Variants in U2SURP observed in about 807,000 individuals in gnomAD.
U2SURP encodes the protein U2 snRNP associated SURP domain containing.
A neutral mutation model predicts 144.9 loss-of-function variants in U2SURP; 9 were observed. That is an observed-to-expected ratio of 0.06 (90% confidence interval 0.04 to 0.11). The LOEUF (loss-of-function observed/expected upper bound fraction) is 0.11. U2SURP is among the 10% of genes least tolerant of loss of function. The pLI, the probability that U2SURP is intolerant of heterozygous loss-of-function variation, is 1.00. For synonymous variants in U2SURP, 408 were observed against 396.8 expected, an observed-to-expected ratio of 1.03 and a Z score of -0.33; for missense variants, 724 against 1,226.7, an observed-to-expected ratio of 0.59 and a Z score of 6.12.
intron 25 of U2SURP, among the ~76,000 whole-genome samples, chr3:143,053,193 G>T (rs1283550680): frequency 6.6e-6 from 1 of 152,070 alleles, no homozygotes; most frequent in Non-Finnish European, 1.5e-5. Flanking sequence ...TATGGAAAGG[G>T]CAGTACATTG....
In U2SURP at chr3:143,020,595, A is replaced by T; in HGVS notation, c.639-4A>T. On this transcript the variant is annotated splice_region_variant and splice_polypyrimidine_tract_variant and intron_variant, in intron 7 of 27. Coordinates refer to ENST00000473835, the MANE Select transcript of U2SURP (RefSeq NM_001080415.2). ...TTATAAGTGATTGTAAATATTTTCA[A>T]CAGAATTCAAGAGGAACGTGATGAG... 1 of 1,605,890 alleles carries T rather than the reference A, an allele frequency of 6.2e-7. No individual in the cohort carries two copies. Among genetic ancestry groups the T allele is most frequent in the South Asian group, 1.1e-5 (1 of 89,418 alleles).
intron 13 of U2SURP, among the ~76,000 whole-genome samples, chr3:143,024,296 AG>A (rs1405848741): frequency 6.6e-6 from 1 of 152,200 alleles, no homozygotes; most frequent in Non-Finnish European, 1.5e-5. Context: ...GTCAGACAAT[AG>A]ACTATTGTCA....
At chr3:143,008,198 A>G (rs1256979430) in intron 1 of U2SURP, among the ~76,000 whole-genome samples, 1 of 152,226 alleles carries the variant, frequency 6.6e-6, no homozygotes, top group Non-Finnish European at 1.5e-5. Flanking sequence ...GAGATTATTT[A>G]ATTTGGTGAA....
Position 143,033,362 on chromosome 3 carries a change from G to T in U2SURP, c.1853+12G>T. On this transcript the variant is annotated intron_variant, in intron 18 of 27. Transcript: ENST00000473835. ...TATTATAGAAAATTGTAAGTATAAT[G>T]ATATAACTGATATTCCTGAAATAAA... 7.8e-7 allele frequency: 1 copy of T among 1,275,790 alleles called. No homozygotes were observed. The highest frequency in any genetic ancestry group is 1.3e-5 in the South Asian group (1 of 77,088). 79.0% of individuals were successfully genotyped at this position (1,275,790 alleles called of 1,614,324 possible). A position where few individuals can be genotyped will look rare whatever the true frequency, so the allele number is the denominator to read the frequency against.
chr3:143,038,300 C>T (rs1042578647), intron 22 of U2SURP, 97 bp downstream of exon 22: 20 of 872,772 alleles, frequency 2.3e-5, no homozygotes, highest in Middle Eastern at 3.6e-4. Context: ...TTTTATAACA[C>T]GTTTTAACCT....
chr3:143,048,361 G>C (rs936136540), intron 24 of U2SURP, among the ~76,000 whole-genome samples: 9 of 152,276 alleles, frequency 5.9e-5, no homozygotes, highest in African/African-American at 2.2e-4. Flanking sequence ...ATTTGGGTCT[G>C]TTGTTTGACT....
chr3:143,038,893 G>A lies in U2SURP; in HGVS notation c.2318-1G>A. ...TACATCCTCCTTTTCCTTTCATTCAGCTGTTACAACTTCTAAATGGGAATT... is the reference window on the plus strand; with the variant it reads ...TACATCCTCCTTTTCCTTTCATTCAACTGTTACAACTTCTAAATGGGAATT... On this transcript the variant is annotated splice_acceptor_variant, in intron 22 of 27. Transcript: ENST00000473835. LOFTEE classifies it high-confidence loss of function. 1 of 1,540,052 alleles carries A rather than the reference G, an allele frequency of 6.5e-7. No individual in the cohort carries two copies. The highest frequency in any genetic ancestry group is 8.7e-7 in the Non-Finnish European group (1 of 1,144,672).
At chr3:143,045,366 C>CAAAAAAAAAAAAAAAAAA (rs11356372) in intron 24 of U2SURP, among the ~76,000 whole-genome samples, 1 of 75,426 alleles carries the variant, frequency 1.3e-5, no homozygotes, top group Non-Finnish European at 2.5e-5. Context: ...GAGACGCCGT[C>CAAAAAAAAAAAAAAAAAA]AAAAAAAAAA....
In U2SURP at chr3:143,001,578, G is replaced by A; in HGVS notation, c.-51G>A. On this transcript the variant is annotated 5_prime_UTR_variant, in exon 1 of 28. Coordinates refer to ENST00000473835, the MANE Select transcript of U2SURP (RefSeq NM_001080415.2). ...CTTCACTGAGATCCGCTCTTTCGGT[G>A]CTCGACTCGCCCGTGCTGCTGCCGC... 1.2e-6 allele frequency: 2 copies of A among 1,607,052 alleles called. No individual in the cohort carries two copies. The highest frequency in any genetic ancestry group is 1.1e-5 in the South Asian group (1 of 89,864).
intron 23 of U2SURP, among the ~76,000 whole-genome samples, chr3:143,041,931 G>A (rs1308734701): frequency 6.6e-6 from 1 of 151,616 alleles, no homozygotes; most frequent in African/African-American, 2.4e-5. Flanking sequence ...GTTTGTATAT[G>A]GGTATCTTGT....
At chr3:143,038,537 C>T (rs531555006) in intron 22 of U2SURP, among the ~76,000 whole-genome samples, 2 of 152,094 alleles carry the variant, frequency 1.3e-5, no homozygotes, top group South Asian at 4.1e-4. Flanking sequence ...TTTGACCCTC[C>T]CATAATGCTA....
intron 1 of U2SURP, among the ~76,000 whole-genome samples, chr3:143,002,989 A>G (rs1281679674): frequency 6.6e-6 from 1 of 152,200 alleles, no homozygotes; most frequent in Non-Finnish European, 1.5e-5. Flanking sequence ...ACATACCGTT[A>G]GGGAGCTATT....
At position 143,012,368 on chromosome 3, in the gene U2SURP, G is replaced by C. The variant is rs767945135; in HGVS notation, c.222+15G>C. 6.3e-7 allele frequency: 1 copy of C among 1,592,738 alleles called. No homozygotes were observed. The highest frequency in any genetic ancestry group is 1.8e-5 in the Admixed American group (1 of 56,004). On this transcript the variant is annotated intron_variant, in intron 3 of 27. Transcript: ENST00000473835. Reference sequence around the variant, plus strand: ...ATCTCTCAAGAGTGAGTATAGATAAGATAAGGTAAAGATAAGAAAGGATAG... The same window carrying C: ...ATCTCTCAAGAGTGAGTATAGATAACATAAGGTAAAGATAAGAAAGGATAG...
chr3:143,047,370 GC>G (rs1934561965), intron 24 of U2SURP, among the ~76,000 whole-genome samples: 1 of 11,698 alleles, frequency 8.5e-5, no homozygotes, highest in Non-Finnish European at 1.4e-4. Flanking sequence ...GGGCAGAGGG[GC>G]TCCTCACTTC....
chr3:143,056,557 GT>G lies in U2SURP; in HGVS notation c.*113del. ...AATCAAATGAAAGAGCATTCCTGGG[GT>G]TTTTTGTTTGTTTGTGTATGCATGT... is the stretch of plus-strand genomic sequence containing the variant. On this transcript the variant is annotated 3_prime_UTR_variant, in exon 28 of 28. Transcript: ENST00000473835. The G allele has an allele frequency of 7.1e-7, 1 of 1,415,664 alleles. No homozygotes were observed. The highest frequency in any genetic ancestry group is 9.5e-7 in the Non-Finnish European group (1 of 1,057,562). 87.7% of individuals were successfully genotyped at this position (1,415,664 alleles called of 1,614,324 possible).
Position 143,056,528 on chromosome 3 carries a change from A to C in U2SURP, c.*78A>C. 1 of 1,535,230 alleles carries C rather than the reference A, an allele frequency of 6.5e-7. No homozygotes were observed. The highest frequency in any genetic ancestry group is 2.3e-5 in the East Asian group (1 of 43,840). The stretch of plus-strand genomic sequence containing the variant: ...TGAACGGTCTGTTTTTTAAAAAAAC[A>C]AAAAATCAAATGAAAGAGCATTCCT... On this transcript the variant is annotated 3_prime_UTR_variant, in exon 28 of 28. Transcript: ENST00000473835.
intron 5 of U2SURP, 125 bp from the exon 6 acceptor site, chr3:143,016,717 A>G: frequency 1.2e-6 from 1 of 831,386 alleles, no homozygotes; most frequent in Non-Finnish European, 1.8e-6. Context: ...ATTTAATTTC[A>G]TATTTGTTAA....
At chr3:143,030,687 C>T (rs1933430533) in intron 16 of U2SURP, among the ~76,000 whole-genome samples, 3 of 152,098 alleles carry the variant, frequency 2.0e-5, no homozygotes, top group Admixed American at 6.5e-5. Flanking sequence ...ATAGTGATTC[C>T]TCCAGTGGGT....
chr3:143,005,815 G>T (rs1356378170), intron 1 of U2SURP, among the ~76,000 whole-genome samples: 1 of 151,254 alleles, frequency 6.6e-6, no homozygotes, highest in Admixed American at 6.6e-5. Context: ...TATGCCGGTT[G>T]AAGTATCTAC....
Sources: allele counts gnomAD v4.1 joint callset (sites outside exome capture counted in the v4.1 genomes callset), GRCh38; gene constraint gnomAD v4.1.1; transcripts MANE v1.5; gene names NCBI Gene and HGNC (gene_info 2026-07-23, HGNC 2026-07-21).